The following SPOPL variants were observed in gnomAD, a reference collection of about 807,000 sequenced individuals.
SPOPL encodes speckle-type POZ protein-like.
Under a neutral mutation model 53.8 loss-of-function variants are expected in SPOPL, and 23 were observed. The observed-to-expected ratio is 0.43, with a 90% CI of 0.31 to 0.61. The LOEUF is 0.61. SPOPL is among the 20% of genes least tolerant of loss of function. The pLI is 0.12. For missense variants in SPOPL, 442 were observed against 466.9 expected, an observed-to-expected ratio of 0.95 and a Z score of 0.49; for synonymous variants, 164 against 149.7, an observed-to-expected ratio of 1.10 and a Z score of -0.70.
chr2:138,555,083 GAGAC>G (rs1277052704), intron 5 of SPOPL, among the ~76,000 whole-genome samples: 4 of 151,894 alleles, frequency 2.6e-5, no homozygotes, highest in African/African-American at 4.8e-5. Flanking sequence ...TGGTGAGAAA[GAGAC>G]AGAAGAGGTG....
chr2:138,559,418 T>A (rs1685498331), intron 7 of SPOPL, 81 bp downstream of exon 7: 10 of 1,386,402 alleles, frequency 7.2e-6, no homozygotes, highest in Admixed American at 2.5e-5. Context: ...AATAGTACAA[T>A]GTTCTCATTG....
At chr2:138,549,510 G>A (rs775658572) in intron 1 of SPOPL, among the ~76,000 whole-genome samples, 1 of 152,050 alleles carries the variant, frequency 6.6e-6, no homozygotes, top group South Asian at 2.1e-4. Context: ...AGGTAATTAT[G>A]CATACCATTG....
At chr2:138,513,958 T>C (rs527753398) in intron 1 of SPOPL, among the ~76,000 whole-genome samples, 2 of 152,300 alleles carry the variant, frequency 1.3e-5, no homozygotes, top group South Asian at 2.1e-4. Flanking sequence ...TGTTAAACTT[T>C]TTTTGCTTTT....
At position 138,553,674 on chromosome 2, in the gene SPOPL, C is replaced by T. The variant is rs115318193; in HGVS notation, c.480+993C>T. 8.4e-4 allele frequency among the ~76,000 whole-genome samples: 128 copies of T among 151,958 alleles called. 1 individual carries two copies. The highest frequency in any genetic ancestry group is 7.6e-3 in the Middle Eastern group (2 of 264). On this transcript the variant is annotated intron_variant, in intron 5 of 10. Coordinates refer to ENST00000280098, the MANE Select transcript of SPOPL (RefSeq NM_001001664.3). ...TGTCAGAAGAATAATTGAAATATGC[C>T]TCCAGAGACTATATAATTGCATCTT...
chr2:138,536,996 C>T (rs151142610), intron 1 of SPOPL, among the ~76,000 whole-genome samples: 3 of 152,274 alleles, frequency 2.0e-5, no homozygotes, highest in Non-Finnish European at 4.4e-5. Context: ...CCACAGTTTA[C>T]AAGCCAAGAC....
chr2:138,565,058 C>A, intron 10 of SPOPL, 65 bp downstream of exon 10: 1 of 1,568,384 alleles, frequency 6.4e-7, no homozygotes, highest in Non-Finnish European at 8.7e-7. Flanking sequence ...GTTTGCATAG[C>A]CTTTTGTTCA....
At chr2:138,561,260 A>T (rs576346598) in intron 8 of SPOPL, among the ~76,000 whole-genome samples, 1 of 152,044 alleles carries the variant, frequency 6.6e-6, no homozygotes, top group African/African-American at 2.4e-5. Flanking sequence ...ATAGTGCATG[A>T]CCTTTTTTAA....
chr2:138,522,397 C>T, intron 1 of SPOPL, among the ~76,000 whole-genome samples: 1 of 152,244 alleles, frequency 6.6e-6, no homozygotes, highest in South Asian at 2.1e-4. Flanking sequence ...ACTTATGCCT[C>T]AAGGACCCAG....
In SPOPL at chr2:138,568,572, G is replaced by C. The variant is rs140996999; in HGVS notation, c.1035-364G>C. ...GATAGAATTAGTAATGCATGTTAAG[G>C]GGGGAGAGTAGAGTCCAATATTTGT... On this transcript the variant is annotated intron_variant, in intron 10 of 10. Transcript: ENST00000280098. Among the ~76,000 whole-genome samples the C allele has an allele frequency of 2.6e-4, 39 of 152,240 alleles. No individual in the cohort carries two copies. In the East Asian group the frequency reaches 3.5e-3, roughly 14 times the overall value.
intron 1 of SPOPL, among the ~76,000 whole-genome samples, chr2:138,529,046 C>G (rs1053732757): frequency 2.0e-5 from 3 of 152,176 alleles, no homozygotes; most frequent in African/African-American, 7.2e-5. Context: ...TAGATAGCCC[C>G]TTCCTTATAG....
intron 7 of SPOPL, 33 bp downstream of exon 7, chr2:138,559,370 A>T: frequency 1.3e-6 from 2 of 1,572,466 alleles, no homozygotes; most frequent in Non-Finnish European, 1.7e-6. Context: ...TATTGAATTT[A>T]TATAAACGTA....
At chr2:138,568,795 T>G (rs1685718820) in intron 10 of SPOPL, 141 bp from the exon 11 acceptor site, 2 of 886,468 alleles carry the variant, frequency 2.3e-6, no homozygotes, top group South Asian at 3.5e-5. Flanking sequence ...AGATGGTATT[T>G]TAATAAAAGC....
chr2:138,557,025 A>C (rs6722181), intron 5 of SPOPL, among the ~76,000 whole-genome samples: 2 of 152,026 alleles, frequency 1.3e-5, no homozygotes, highest in Non-Finnish European at 2.9e-5. Flanking sequence ...GAGTGGTGGC[A>C]GGCACCTGTA....
At chr2:138,538,170 C>T (rs962568472) in intron 1 of SPOPL, among the ~76,000 whole-genome samples, 1 of 152,100 alleles carries the variant, frequency 6.6e-6, no homozygotes, top group Admixed American at 6.5e-5. Context: ...TCCATATGCA[C>T]TTGAGAAGAA....
At chr2:138,559,458 A>G in intron 7 of SPOPL, 121 bp downstream of exon 7, 1 of 986,646 alleles carries the variant, frequency 1.0e-6, no homozygotes, top group Non-Finnish European at 1.5e-6. Context: ...GAAAATTTTT[A>G]CAAACAGGAA....
Position 138,548,239 on chromosome 2 carries a change from CTTTTTTT to C in SPOPL, c.-60-1904_-60-1898del, listed in dbSNP as rs34021497. Among the ~76,000 whole-genome samples the C allele has an allele frequency of 9.0e-5, 8 of 88,994 alleles. No homozygotes were observed. In the South Asian group the frequency reaches 2.9e-3, roughly 32 times the overall value. The allele number at this position is 88,994 out of a possible 152,430, so 58.4% of individuals were successfully genotyped here. A position where few individuals can be genotyped will look rare whatever the true frequency, so the allele number is the denominator to read the frequency against. Reference sequence around the variant, plus strand: ...TTCATTGATTACAAGTGAAGGTAAACTTTTTTTTTTTTTTTTTTTTGGTAATCATTCT... The same window carrying C: ...TTCATTGATTACAAGTGAAGGTAAACTTTTTTTTTTTTTGGTAATCATTCT... On this transcript the variant is annotated intron_variant, in intron 1 of 10. Coordinates refer to ENST00000280098, the MANE Select transcript of SPOPL (RefSeq NM_001001664.3).
At chr2:138,557,750 T>C (rs1371369663) in intron 5 of SPOPL, among the ~76,000 whole-genome samples, 2 of 152,226 alleles carry the variant, frequency 1.3e-5, no homozygotes, top group Non-Finnish European at 2.9e-5. Flanking sequence ...TTTAAAAAAG[T>C]CATTTACTTT....
intron 1 of SPOPL, among the ~76,000 whole-genome samples, chr2:138,549,169 C>T (rs1685260015): frequency 6.6e-6 from 1 of 152,100 alleles, no homozygotes; most frequent in Non-Finnish European, 1.5e-5. Flanking sequence ...GTCTATTCTG[C>T]CTTCAATTCT....
chr2:138,554,584 T>C, intron 5 of SPOPL: 1 of 1,193,300 alleles, frequency 8.4e-7, no homozygotes. Flanking sequence ...AACTTAATCT[T>C]GCAAGTTCCC....
Sources: gnomAD v4.1 joint callset for allele counts (sites outside exome capture counted in the v4.1 genomes callset) on GRCh38, gnomAD v4.1.1 for gene constraint, MANE v1.5 for transcripts, NCBI Gene and HGNC (gene_info 2026-07-23, HGNC 2026-07-21) for gene names.